The following RBFOX3 variants were observed in gnomAD, a reference collection of about 807,000 sequenced individuals.
The protein encoded by RBFOX3 is RNA binding fox-1 homolog 3, also known as RNA binding protein fox-1 homolog 3.
In RBFOX3, 17 loss-of-function variants were observed where a neutral mutation model predicts 48.7. That is an observed-to-expected ratio of 0.35 (90% CI 0.24 to 0.52). The LOEUF is 0.52. Among genes scored for constraint, RBFOX3 ranks in the 20% least tolerant of loss-of-function variants. The pLI is 0.94. For synonymous variants in RBFOX3, 212 were observed against 209.5 expected (o/e 1.01, Z -0.10); for missense variants, 382 against 497.5 (o/e 0.77, Z 2.21).
Position 79,094,472 on chromosome 17 carries a change from C to A in RBFOX3, c.1056G>T (p.Ala352=). Residue 352 remains alanine (A), a synonymous_variant, in exon 14 of 15, where the codon GCG becomes GCT. Coordinates refer to ENST00000693108, the MANE Select transcript of RBFOX3 (RefSeq NM_001350451.2). ...TTACCATGGTTCCAATGCTGTAGGTCGCCGCGGGCCCGATGGTGTGATGGT... is the reference window on the plus strand; with the variant it reads ...TTACCATGGTTCCAATGCTGTAGGTAGCCGCGGGCCCGATGGTGTGATGGT... ...DPYHHTIGPA[A]TYSIGTM 1 of 1,476,260 alleles carries A rather than the reference C, an allele frequency of 6.8e-7. No individual in the cohort carries two copies. The highest frequency in any genetic ancestry group is 9.0e-7 in the Non-Finnish European group (1 of 1,114,718). 91.4% of individuals were successfully genotyped at this position (1,476,260 alleles called of 1,614,324 possible).
At chr17:79,219,685 C>T (rs752569778) in intron 4 of RBFOX3, among the ~76,000 whole-genome samples, 3 of 152,130 alleles carry the variant, frequency 2.0e-5, no homozygotes, top group African/African-American at 4.8e-5. Context: ...GCAAGCTGCT[C>T]GTGTCTGGGC....
intron 1 of RBFOX3, among the ~76,000 whole-genome samples, chr17:79,603,017 G>A (rs2093743004): frequency 7.3e-6 from 1 of 137,412 alleles, no homozygotes; most frequent in African/African-American, 2.7e-5. Context: ...TTTAGGGGGA[G>A]TCTTGCTCTG....
chr17:79,590,209 C>G (rs2093377205), intron 1 of RBFOX3, among the ~76,000 whole-genome samples: 1 of 152,128 alleles, frequency 6.6e-6, no homozygotes, highest in Non-Finnish European at 1.5e-5. Flanking sequence ...GGGACAAGGC[C>G]CTGATAGGGG....
intron 2 of RBFOX3, among the ~76,000 whole-genome samples, chr17:79,377,214 C>T (rs953415015): frequency 1.3e-5 from 2 of 150,022 alleles, no homozygotes; most frequent in African/African-American, 2.5e-5. Flanking sequence ...CACAAAGATA[C>T]ACACACACTA....
At chr17:79,110,495 A>AGCTGTGCT (rs774955850) in intron 5 of RBFOX3, among the ~76,000 whole-genome samples, 13 of 152,218 alleles carry the variant, frequency 8.5e-5, no homozygotes, top group Non-Finnish European at 1.8e-4. Flanking sequence ...CACGGAACCA[A>AGCTGTGCT]GCTGTGCTGC....
chr17:79,098,614 G>T (rs2075851770), intron 9 of RBFOX3: 2 of 152,240 alleles, frequency 1.3e-5, no homozygotes, highest in South Asian at 4.1e-4. Context: ...CCTCTCCCCG[G>T]GGGAACCCAG....
chr17:79,646,575 T>C, the RBFOX3 span, among the ~76,000 whole-genome samples: 1 of 152,176 alleles, frequency 6.6e-6, no homozygotes, highest in African/African-American at 2.4e-5. Context: ...ACTTATTCAC[T>C]ACCATGAGAA....
intron 2 of RBFOX3, among the ~76,000 whole-genome samples, chr17:79,375,615 G>A (rs557892803): frequency 1.1e-3 from 163 of 152,320 alleles, no homozygotes; most frequent in Middle Eastern, 3.4e-3. Context: ...GTTTCTGGGG[G>A]CTGAGCAGAC....
At chr17:79,129,830 T>A (rs1034539515) in intron 4 of RBFOX3, among the ~76,000 whole-genome samples, 3 of 152,218 alleles carry the variant, frequency 2.0e-5, no homozygotes, top group Non-Finnish European at 4.4e-5. Context: ...ATACTTACAG[T>A]CCAGAGCTTA....
At chr17:79,124,782 C>T (rs1298947261) in intron 4 of RBFOX3, among the ~76,000 whole-genome samples, 2 of 152,234 alleles carry the variant, frequency 1.3e-5, no homozygotes, top group Non-Finnish European at 2.9e-5. Context: ...CTGGCCTGGA[C>T]CTGTAGCCCT....
chr17:79,179,726 C>T (rs574915022), intron 4 of RBFOX3, among the ~76,000 whole-genome samples: 7 of 152,310 alleles, frequency 4.6e-5, no homozygotes, highest in South Asian at 4.1e-4. Flanking sequence ...AAACTTGGTC[C>T]ACTGGATCCC....
At chr17:79,196,988 G>C (rs976945854) in intron 4 of RBFOX3, among the ~76,000 whole-genome samples, 2 of 152,146 alleles carry the variant, frequency 1.3e-5, no homozygotes, top group Admixed American at 6.5e-5. Context: ...CAGCACCCCG[G>C]GTGGACTGAC....
At chr17:79,110,149 C>T (rs1290847276) in intron 5 of RBFOX3, among the ~76,000 whole-genome samples, 14 of 150,368 alleles carry the variant, frequency 9.3e-5, no homozygotes, top group East Asian at 2.0e-4. Flanking sequence ...AAAAAAAAGC[C>T]GTCTTTGCTT....
At chr17:79,410,963 C>T (rs116607942) in intron 2 of RBFOX3, among the ~76,000 whole-genome samples, 119 of 152,336 alleles carry the variant, frequency 7.8e-4, no homozygotes, top group African/African-American at 2.8e-3. Context: ...CTGCACCACA[C>T]GGCTGGGCTG....
At chr17:79,457,475 T>G (rs1349895593) in intron 2 of RBFOX3, among the ~76,000 whole-genome samples, 1 of 152,208 alleles carries the variant, frequency 6.6e-6, no homozygotes, top group Non-Finnish European at 1.5e-5. Flanking sequence ...ACGTGGCCGC[T>G]AACTCCTTCT....
intron 1 of RBFOX3, among the ~76,000 whole-genome samples, chr17:79,526,585 G>A (rs1411143433): frequency 2.0e-5 from 3 of 152,210 alleles, no homozygotes; most frequent in Non-Finnish European, 4.4e-5. Flanking sequence ...GGTCAGAGCA[G>A]AGGACGGTGG....
At chr17:79,378,165 C>T (rs555213791) in intron 2 of RBFOX3, among the ~76,000 whole-genome samples, 3 of 152,234 alleles carry the variant, frequency 2.0e-5, no homozygotes, top group South Asian at 2.1e-4. Flanking sequence ...GGGTCTCCAC[C>T]GAGCCCAGAG....
At chr17:79,303,850 C>CCT (rs985704205) in intron 3 of RBFOX3, among the ~76,000 whole-genome samples, 13 of 59,166 alleles carry the variant, frequency 2.2e-4, no homozygotes, top group Admixed American at 7.0e-4. Flanking sequence ...TGCATGTCTG[C>CCT]CTGTGTGTGT....
chr17:79,122,331 T>G (rs1008665509), intron 4 of RBFOX3, among the ~76,000 whole-genome samples: 1 of 152,116 alleles, frequency 6.6e-6, no homozygotes, highest in African/African-American at 2.4e-5. Flanking sequence ...CCCACCAGGG[T>G]CCTGCACGAC....
Sources: gnomAD v4.1 joint callset for allele counts (sites outside exome capture counted in the v4.1 genomes callset) on GRCh38, gnomAD v4.1.1 for gene constraint, MANE v1.5 for transcripts, NCBI Gene and HGNC (gene_info 2026-07-23, HGNC 2026-07-21) for gene names.